The following FOXA3 variants were observed in gnomAD, a reference collection of about 807,000 sequenced individuals.
FOXA3 encodes the protein forkhead box A3.
A neutral mutation model predicts 16.9 loss-of-function variants in FOXA3; 11 were observed. The ratio of observed to expected loss-of-function variants is 0.65; its 90% confidence interval spans 0.41 to 1.08. The LOEUF is 1.08. FOXA3 is among the 50% of genes least tolerant of loss of function. The probability of loss-of-function intolerance (pLI) is 0.00; values close to 1 mark genes in which losing one functional copy is unlikely to be tolerated. For missense variants in FOXA3, 423 were observed against 470.1 expected (o/e 0.90, Z 0.93); for synonymous variants, 217 against 203.3 (o/e 1.07, Z -0.57).
chr19:45,872,323 G>A lies in FOXA3; in HGVS notation c.318G>A (p.Pro106=), dbSNP rs759688224. Residue 106 remains proline, a synonymous_variant, in exon 2 of 2, where the codon CCG becomes CCA. Coordinates refer to ENST00000302177, the MANE Select transcript of FOXA3 (RefSeq NM_004497.3). This position sits in a 1 kb window ranked among gnomAD's most constrained non-coding sequence, Gnocchi z 4.5. Reference sequence around the variant, plus strand: ...GGCTGGTGCACGGGAAGGAGATGCCGAAGGGGTATCGGCGGCCCCTGGCAC... The same window carrying A: ...GGCTGGTGCACGGGAAGGAGATGCCAAAGGGGTATCGGCGGCCCCTGGCAC... ...GPGLVHGKEM[P]KGYRRPLAHA... 16 of 1,614,024 alleles carry A rather than the reference G, an allele frequency of 9.9e-6. No individual in the cohort carries two copies. Among genetic ancestry groups the A allele is most frequent in the Admixed American group, 3.3e-5 (2 of 60,010 alleles).
At chr19:45,866,764 G>C (rs913076966) in intron 1 of FOXA3, among the ~76,000 whole-genome samples, 1 of 152,154 alleles carries the variant, frequency 6.6e-6, no homozygotes, top group African/African-American at 2.4e-5. Flanking sequence ...AGATCAGCTG[G>C]TCCAGCTGCT....
intron 1 of FOXA3, among the ~76,000 whole-genome samples, chr19:45,871,197 C>G: frequency 6.6e-6 from 1 of 152,166 alleles, no homozygotes; most frequent in Middle Eastern, 3.4e-3. Context: ...AACATGTATT[C>G]ATTTAAAAAT....
chr19:45,864,469 G>C lies in FOXA3; in HGVS notation c.13G>C (p.Val5Leu). The C allele has an allele frequency of 6.6e-7, 1 of 1,523,720 alleles. No individual in the cohort carries two copies. Among genetic ancestry groups the C allele is most frequent in the Non-Finnish European group, 8.8e-7 (1 of 1,130,884 alleles). 94.4% of individuals were successfully genotyped at this position (1,523,720 alleles called of 1,614,324 possible). A position where few individuals can be genotyped will look rare whatever the true frequency, so the allele number is the denominator to read the frequency against. The stretch of plus-strand genomic sequence containing the variant: ...GTAAGCCCGGGGGATGCTGGGCTCA[G>C]TGAAGATGGAGGCCCATGACCTGGC... MLGS[V>L]KMEAHDLAEW... The change falls in exon 1 of 2, where the codon GTG becomes CTG. Residue 5 changes from valine (V) to leucine (L), a missense_variant. Transcript: ENST00000302177.
intron 1 of FOXA3, among the ~76,000 whole-genome samples, chr19:45,869,342 C>A (rs754439631): frequency 6.6e-6 from 1 of 152,212 alleles, no homozygotes; most frequent in Non-Finnish European, 1.5e-5. Context: ...ACCCCAGCAA[C>A]CTCTCTGGGC....
chr19:45,871,668 AG>A lies in FOXA3; in HGVS notation c.70-405del, dbSNP rs553867701. On this transcript the variant is annotated intron_variant, in intron 1 of 1. Coordinates refer to ENST00000302177, the MANE Select transcript of FOXA3 (RefSeq NM_004497.3). ...AGAATTGGTTGAGCCCAGGAGGCGG[AG>A]GTTGCATTGAGGTGAGATCACGCCA... Among the ~76,000 whole-genome samples the A allele has an allele frequency of 1.1e-4, 17 of 151,698 alleles. No individual in the cohort carries two copies. The South Asian group carries it at 3.5e-3, about 32-fold the overall frequency.
chr19:45,866,678 T>G (rs1219855821), intron 1 of FOXA3, among the ~76,000 whole-genome samples: 6 of 152,090 alleles, frequency 3.9e-5, no homozygotes, highest in African/African-American at 1.4e-4. Flanking sequence ...ACGTTAACAC[T>G]CAGGGCAGCT....
intron 1 of FOXA3, among the ~76,000 whole-genome samples, chr19:45,869,479 G>C (rs974024967): frequency 2.0e-5 from 3 of 152,202 alleles, no homozygotes; most frequent in African/African-American, 7.2e-5. Flanking sequence ...TTGGTTGAAT[G>C]AATGAAAGAA....
Position 45,872,707 on chromosome 19 carries a change from A to G in FOXA3, c.702A>G (p.Thr234=), listed in dbSNP as rs548866684. 5.6e-6 allele frequency: 9 copies of G among 1,607,840 alleles called. No individual in the cohort carries two copies. In the African/African-American group the frequency reaches 1.2e-4, roughly 21 times the overall value. Residue 234 remains threonine, a synonymous_variant, in exon 2 of 2, where the codon ACA becomes ACG. Coordinates refer to ENST00000302177, the MANE Select transcript of FOXA3 (RefSeq NM_004497.3). The surrounding 1 kb of genome is among the most constrained non-coding windows in gnomAD (Gnocchi z 4.5). ...CTGCCACCACCACCAGGAACGGGAC[A>G]GGGTCTGCTGCCTCGACCACCACCC... is the stretch of plus-strand genomic sequence containing the variant. The part of the protein sequence containing the change: ...SGAATTTRNG[T]GSAASTTTPA...
Position 45,872,290 on chromosome 19 carries a change from G to A in FOXA3, c.285G>A (p.Pro95=), listed in dbSNP as rs768299044. 17 of 1,613,226 alleles carry A rather than the reference G, an allele frequency of 1.1e-5. No homozygotes were observed. The East Asian group carries it at 1.1e-4, about 11-fold the overall frequency. The change falls in exon 2 of 2, where the codon CCG becomes CCA. Residue 95 remains proline (P), a synonymous_variant. Transcript: ENST00000302177. The surrounding 1 kb of genome is among the most constrained non-coding windows in gnomAD (Gnocchi z 4.5). Reference sequence around the variant, plus strand: ...GCAGCAGCTCCGGGTACGGGGCCCCGGGTCCTGGGCTGGTGCACGGGAAGG... The same window carrying A: ...GCAGCAGCTCCGGGTACGGGGCCCCAGGTCCTGGGCTGGTGCACGGGAAGG... The part of the protein sequence containing the change: ...GGSSSSGYGA[P]GPGLVHGKEM...
chr19:45,868,789 G>A (rs1972108840), intron 1 of FOXA3, among the ~76,000 whole-genome samples: 1 of 151,932 alleles, frequency 6.6e-6, no homozygotes, highest in Non-Finnish European at 1.5e-5. Context: ...GAAGGGATAA[G>A]TAGATACAAA....
At chr19:45,865,254 T>C (rs1972073413) in intron 1 of FOXA3, among the ~76,000 whole-genome samples, 1 of 151,970 alleles carries the variant, frequency 6.6e-6, no homozygotes, top group Non-Finnish European at 1.5e-5. Context: ...AGTCGGAAGA[T>C]GGAGAGTTTT....
At chr19:45,864,631 T>C in intron 1 of FOXA3, 106 bp downstream of exon 1, 1 of 950,518 alleles carries the variant, frequency 1.1e-6, no homozygotes, top group Non-Finnish European at 1.4e-6. Context: ...CAAAGGCGTC[T>C]ACTTGGGCAG....
rs60785587 is a variant in FOXA3 at position 45,867,779 on chromosome 19, C to CAAAAAAAAAAA, written c.69+3263_69+3273dup. On this transcript the variant is annotated intron_variant, in intron 1 of 1. Coordinates refer to ENST00000302177, the MANE Select transcript of FOXA3 (RefSeq NM_004497.3). ...TGGGTGACAGAGTGAGACTCTATCT[C>CAAAAAAAAAAA]AAAAAAAAAAAAAAAAAAAGACAAG... is the stretch of plus-strand genomic sequence containing the variant. Among the ~76,000 whole-genome samples the CAAAAAAAAAAA allele has an allele frequency of 9.1e-3, 504 of 55,422 alleles. 28 individuals are homozygous for CAAAAAAAAAAA. Among genetic ancestry groups the CAAAAAAAAAAA allele is most frequent in the African/African-American group, 0.017 (174 of 10,018 alleles). The allele number at this position is 55,422 out of a possible 152,430, so 36.4% of individuals were successfully genotyped here. A position where few individuals can be genotyped will look rare whatever the true frequency, so the allele number is the denominator to read the frequency against.
At chr19:45,869,319 T>A (rs1972113388) in intron 1 of FOXA3, among the ~76,000 whole-genome samples, 2 of 152,156 alleles carry the variant, frequency 1.3e-5, no homozygotes, top group South Asian at 4.1e-4. Flanking sequence ...TCTGCCCCCA[T>A]TCTTGCTGTG....
Position 45,872,742 on chromosome 19 carries a change from CAG to C in FOXA3, c.738_739del (p.Val247HisfsTer12). 1 of 1,603,722 alleles carries C rather than the reference CAG, an allele frequency of 6.2e-7. No individual in the cohort carries two copies. Reference sequence around the variant, plus strand: ...GCCTCGACCACCACCCCCGCGGCCACAGTCACCTCCCCGCCCCAGCCCCCGCC... The same window carrying C: ...GCCTCGACCACCACCCCCGCGGCCACTCACCTCCCCGCCCCAGCCCCCGCC... On this transcript the variant is annotated frameshift_variant, in exon 2 of 2. Coordinates refer to ENST00000302177, the MANE Select transcript of FOXA3 (RefSeq NM_004497.3). LOFTEE classifies it high-confidence loss of function. This position sits in a 1 kb window ranked among gnomAD's most constrained non-coding sequence, Gnocchi z 4.5.
At chr19:45,866,000 G>A (rs1227039130) in intron 1 of FOXA3, among the ~76,000 whole-genome samples, 1 of 152,190 alleles carries the variant, frequency 6.6e-6, no homozygotes, top group African/African-American at 2.4e-5. Context: ...ACCAACTACA[G>A]TTGTTTTGGG....
chr19:45,868,005 T>G (rs1972101161), intron 1 of FOXA3, among the ~76,000 whole-genome samples: 2 of 142,118 alleles, frequency 1.4e-5, no homozygotes, highest in African/African-American at 2.7e-5. Context: ...CAAAAGAGGT[T>G]AGGGTGGAGA....
At chr19:45,871,214 C>A in intron 1 of FOXA3, among the ~76,000 whole-genome samples, 1 of 152,200 alleles carries the variant, frequency 6.6e-6, no homozygotes, top group Middle Eastern at 3.4e-3. Flanking sequence ...AAATAGCAAT[C>A]ATTTGTTAGT....
At chr19:45,870,125 C>A (rs1490629881) in intron 1 of FOXA3, among the ~76,000 whole-genome samples, 3 of 150,034 alleles carry the variant, frequency 2.0e-5, no homozygotes, top group Non-Finnish European at 4.4e-5. Context: ...TTGAAGAGAG[C>A]TACACATATA....
Sources: gnomAD v4.1 joint callset for allele counts (sites outside exome capture counted in the v4.1 genomes callset) on GRCh38, gnomAD v4.1.1 for gene constraint, Gnocchi (gnomAD v3.1) non-coding constraint, MANE v1.5 for transcripts, NCBI Gene and HGNC (gene_info 2026-07-23, HGNC 2026-07-21) for gene names.